The following AGO2 variants were observed in gnomAD, a reference collection of about 807,000 sequenced individuals.
The protein encoded by AGO2 is protein argonaute-2.
AGO2 carries 5 observed loss-of-function variants against 102.3 expected under a neutral mutation model. The ratio of observed to expected loss-of-function variants is 0.05; its 90% CI spans 0.03 to 0.10. AGO2 has a LOEUF of 0.10. Among genes scored for constraint, AGO2 ranks in the 10% least tolerant of loss-of-function variants. The pLI, the probability that AGO2 is intolerant of heterozygous loss-of-function variation, is 1.00. For synonymous variants in AGO2, 449 were observed against 473.1 expected (o/e 0.95, Z 0.66); for missense variants, 541 against 1,183.7 (o/e 0.46, Z 7.97).
At chr8:140,544,148 G>A (rs1423505669) in intron 14 of AGO2, 65 bp downstream of exon 14, 1 of 1,482,748 alleles carries the variant, frequency 6.7e-7, no homozygotes, top group African/African-American at 1.5e-5. Context: ...CGCTGTGACA[G>A]TGGGACTTCG....
intron 2 of AGO2, among the ~76,000 whole-genome samples, chr8:140,573,387 C>T (rs146327617): frequency 5.3e-4 from 80 of 151,964 alleles, no homozygotes; most frequent in African/African-American, 1.8e-3. Context: ...TCATGTTGGC[C>T]GGGCTGGTCT....
chr8:140,542,871 G>A (rs1006657763), intron 14 of AGO2, among the ~76,000 whole-genome samples: 2 of 152,208 alleles, frequency 1.3e-5, no homozygotes, highest in Non-Finnish European at 2.9e-5. Context: ...AGGTGCAGTG[G>A]CTCACGCCTG....
At chr8:140,574,155 C>G (rs957404457) in intron 2 of AGO2, among the ~76,000 whole-genome samples, 9 of 151,316 alleles carry the variant, frequency 5.9e-5, no homozygotes, top group Non-Finnish European at 1.2e-4. Context: ...CACTTCCCCA[C>G]CGTGACAGAG....
In AGO2 at chr8:140,522,353, C is replaced by T. The variant is rs778308942; in HGVS notation, c.*9691G>A. On this transcript the variant is annotated 3_prime_UTR_variant, in exon 19 of 19. Transcript: ENST00000220592. ...ATTGTAAAGAAAGCTGGGTCCCCTC[C>T]ATTTTATCTCTAAATTTATGATACT... 1 of 151,990 alleles carries T rather than the reference C, an allele frequency of 6.6e-6. No individual in the cohort carries two copies. The highest frequency in any genetic ancestry group is 2.4e-5 in the African/African-American group (1 of 41,372). The allele number at this position is 151,990 out of a possible 1,614,324, so 9.4% of individuals were successfully genotyped here. A position where few individuals can be genotyped will look rare whatever the true frequency, so the allele number is the denominator to read the frequency against.
chr8:140,555,879 C>G lies in AGO2; in HGVS notation c.1269+17G>C, dbSNP rs142182265. On this transcript the variant is annotated intron_variant, in intron 10 of 18. Transcript: ENST00000220592. Reference sequence around the variant, plus strand: ...ACATGCCCCGCAGCCACACGTTCCCCGCCGCCCCACACGTACCCTGCCCCC... The same window carrying G: ...ACATGCCCCGCAGCCACACGTTCCCGGCCGCCCCACACGTACCCTGCCCCC... 4 of 1,609,500 alleles carry G rather than the reference C, an allele frequency of 2.5e-6. No homozygotes were observed. Among genetic ancestry groups the G allele is most frequent in the Non-Finnish European group, 3.4e-6 (4 of 1,177,972 alleles).
At chr8:140,547,342 G>T in intron 13 of AGO2, 126 bp downstream of exon 13, 2 of 1,236,674 alleles carry the variant, frequency 1.6e-6, no homozygotes, top group Non-Finnish European at 2.2e-6. Flanking sequence ...CTCTGCTGTG[G>T]CCAGGACGGT....
intron 15 of AGO2, 100 bp downstream of exon 15, chr8:140,541,064 G>A (rs2072788811): frequency 7.5e-7 from 1 of 1,326,162 alleles, no homozygotes; most frequent in Non-Finnish European, 1.0e-6. Context: ...CCGAATGAGA[G>A]CCACATCATT....
intron 1 of AGO2, 99 bp downstream of exon 1, chr8:140,635,386 G>C: frequency 1.2e-6 from 1 of 836,772 alleles, no homozygotes; most frequent in Non-Finnish European, 1.4e-6. Context: ...CGACCCCGCG[G>C]CCCCCCGATC....
At chr8:140,552,951 G>A (rs929493295) in intron 10 of AGO2, among the ~76,000 whole-genome samples, 2 of 152,216 alleles carry the variant, frequency 1.3e-5, no homozygotes, top group Non-Finnish European at 2.9e-5. Context: ...ATCCCTGGTC[G>A]AGAACTCCTG....
chr8:140,572,745 CT>C, intron 3 of AGO2, 66 bp downstream of exon 3: 2 of 1,569,304 alleles, frequency 1.3e-6, no homozygotes, highest in Non-Finnish European at 1.7e-6. Flanking sequence ...GCATGACAGA[CT>C]TTACAACATG....
chr8:140,603,983 G>T (rs552653452), intron 1 of AGO2, among the ~76,000 whole-genome samples: 9 of 152,348 alleles, frequency 5.9e-5, no homozygotes, highest in African/African-American at 2.2e-4. Context: ...CCCTCAGGGT[G>T]AAGGAGCTGC....
In AGO2 at chr8:140,615,707, G is replaced by A. The variant is rs373105824; in HGVS notation, c.22+19778C>T. Reference sequence around the variant, plus strand: ...ACGCTCAAGGTGGTTTTGCTTTTCGGAACCGGACCACCCTCTTGCTTGCTC... The same window carrying A: ...ACGCTCAAGGTGGTTTTGCTTTTCGAAACCGGACCACCCTCTTGCTTGCTC... On this transcript the variant is annotated intron_variant, in intron 1 of 18. Transcript: ENST00000220592. 1.7e-4 allele frequency among the ~76,000 whole-genome samples: 26 copies of A among 152,368 alleles called. No individual in the cohort carries two copies. The East Asian group carries it at 5.0e-3, about 29-fold the overall frequency.
chr8:140,562,347 C>A, intron 4 of AGO2, 106 bp downstream of exon 4: 1 of 1,397,034 alleles, frequency 7.2e-7, no homozygotes, highest in Non-Finnish European at 9.6e-7. Context: ...CCACTCCCAC[C>A]CTGGATCCAA....
At chr8:140,619,764 T>A (rs948848564) in intron 1 of AGO2, among the ~76,000 whole-genome samples, 3 of 152,120 alleles carry the variant, frequency 2.0e-5, no homozygotes, top group African/African-American at 7.2e-5. Context: ...GCAAACTCAC[T>A]GTGGACAGTG....
At chr8:140,580,034 C>T (rs2073531065) in intron 2 of AGO2, among the ~76,000 whole-genome samples, 1 of 152,280 alleles carries the variant, frequency 6.6e-6, no homozygotes, top group African/African-American at 2.4e-5. Flanking sequence ...CCCACCCGTG[C>T]TTCTCGGAAC....
At chr8:140,605,169 C>T (rs1341076337) in intron 1 of AGO2, among the ~76,000 whole-genome samples, 1 of 152,130 alleles carries the variant, frequency 6.6e-6, no homozygotes, top group Admixed American at 6.6e-5. Flanking sequence ...ATCTCAGCTG[C>T]CTGCAACTTC....
Position 140,538,579 on chromosome 8 carries a change from C to T in AGO2, c.2169+741G>A, listed in dbSNP as rs535771100. On this transcript the variant is annotated intron_variant, in intron 16 of 18. Transcript: ENST00000220592. ...GGAACACCTATGAGATGTACCATGGCGCTTCAACGCCGCCACCTCTCCTCC... is the reference window on the plus strand; with the variant it reads ...GGAACACCTATGAGATGTACCATGGTGCTTCAACGCCGCCACCTCTCCTCC... 3.3e-5 allele frequency among the ~76,000 whole-genome samples: 5 copies of T among 152,344 alleles called. No individual in the cohort carries two copies. The East Asian group carries it at 7.7e-4, about 23-fold the overall frequency.
chr8:140,583,487 G>A (rs886238447), intron 2 of AGO2, among the ~76,000 whole-genome samples: 5 of 152,184 alleles, frequency 3.3e-5, no homozygotes, highest in Non-Finnish European at 5.9e-5. Flanking sequence ...CCAGGAGGTA[G>A]AGTCTACCAC....
intron 1 of AGO2, among the ~76,000 whole-genome samples, chr8:140,599,427 T>C (rs1224199711): frequency 2.0e-5 from 3 of 152,082 alleles, no homozygotes; most frequent in Non-Finnish European, 4.4e-5. Context: ...ACGTCTTTTG[T>C]GATGATGAAG....
Sources: allele counts gnomAD v4.1 joint callset (sites outside exome capture counted in the v4.1 genomes callset), GRCh38; gene constraint gnomAD v4.1.1; transcripts MANE v1.5; gene names NCBI Gene and HGNC (gene_info 2026-07-23, HGNC 2026-07-21).